The following AHI1 variants were observed in gnomAD, a reference collection of about 807,000 sequenced individuals.
AHI1 encodes jouberin.
In AHI1, 123 loss-of-function variants were observed where a neutral mutation model predicts 149.3. The ratio of observed to expected loss-of-function variants is 0.82; its 90% confidence interval spans 0.71 to 0.96. The LOEUF (loss-of-function observed/expected upper bound fraction) is 0.96, where lower values mean the gene tolerates loss of function less well. Among genes scored for constraint, AHI1 ranks in the 40% least tolerant of loss-of-function variants. AHI1 has a pLI of 0.00. For missense variants in AHI1, 1,439 were observed against 1,422.7 expected (o/e 1.01, Z -0.18); for synonymous variants, 475 against 459.8 (o/e 1.03, Z -0.42).
rs1019039855 is a variant in AHI1, at chr6:135,335,712, A to G, written c.3166-12388T>C. On this transcript the variant is annotated intron_variant, in intron 24 of 28. Coordinates refer to ENST00000265602, the MANE Select transcript of AHI1 (RefSeq NM_001134831.2). ...TGAACTGTAAGCTGTAAGCAAATGT[A>G]AAATTACTAGTAATAGACACAGACA... Among the ~76,000 whole-genome samples the G allele has an allele frequency of 2.6e-5, 4 of 152,242 alleles. No homozygotes were observed. In the East Asian group the frequency reaches 7.7e-4, roughly 29 times the overall value.
chr6:135,337,059 G>A (rs1053412932), intron 24 of AHI1, among the ~76,000 whole-genome samples: 2 of 152,110 alleles, frequency 1.3e-5, no homozygotes, highest in African/African-American at 4.8e-5. Flanking sequence ...CCACGTCTAT[G>A]CTCTTCTTAA....
chr6:135,454,131 C>T (rs530095339), intron 10 of AHI1, among the ~76,000 whole-genome samples: 1 of 151,952 alleles, frequency 6.6e-6, no homozygotes, highest in Non-Finnish European at 1.5e-5. Flanking sequence ...ATAATACATG[C>T]TCAGTGAAAA....
intron 24 of AHI1, among the ~76,000 whole-genome samples, chr6:135,325,262 G>T (rs1787488562): frequency 6.6e-6 from 1 of 152,142 alleles, no homozygotes. Flanking sequence ...CCTGACCTCA[G>T]GTGATCTGCT....
At chr6:135,408,028 C>T (rs1476920298) in intron 21 of AHI1, among the ~76,000 whole-genome samples, 1 of 150,802 alleles carries the variant, frequency 6.6e-6, no homozygotes, top group African/African-American at 2.4e-5. Flanking sequence ...GAGTGAGATT[C>T]CGTCTCAAAA....
intron 28 of AHI1, among the ~76,000 whole-genome samples, chr6:135,285,951 C>T (rs1781632295): frequency 6.6e-6 from 1 of 152,112 alleles, no homozygotes; most frequent in Admixed American, 6.5e-5. Flanking sequence ...AAACTCCAAA[C>T]CATAAGTAAC....
chr6:135,457,503 T>G lies in AHI1; in HGVS notation c.1142A>C (p.Lys381Thr). The change falls in exon 9 of 29, where the codon AAA becomes ACA. Residue 381 changes from lysine (K) to threonine (T), a missense_variant. Transcript: ENST00000265602. ...VDEHTGQYVKKDDSGRPVSSY... is the reference protein window; with the variant it reads ...VDEHTGQYVKTDDSGRPVSSY... ...AATTAAAAAAAATTACCTATCATCT[T>G]TCTTGACATATTGACCAGTATGCTC... 1 of 1,610,888 alleles carries G rather than the reference T, an allele frequency of 6.2e-7. No individual in the cohort carries two copies. Among genetic ancestry groups the G allele is most frequent in the Non-Finnish European group, 8.5e-7 (1 of 1,177,742 alleles).
Position 135,394,857 on chromosome 6 carries a change from A to C in AHI1, c.3028T>G (p.Ser1010Ala). ...NLSFTSPPAV[S>A]SQQSKLKQSN... ...TGCTTTAACTTAGACTGTTGTGAGGAAACTGCTGGTGGTGAAGTAAATGAG... is the reference window on the plus strand; with the variant it reads ...TGCTTTAACTTAGACTGTTGTGAGGCAACTGCTGGTGGTGAAGTAAATGAG... The change falls in exon 23 of 29, where the codon TCC becomes GCC. Residue 1010 changes from serine (S) to alanine (A), a missense_variant. Ser to Ala is a moderately conservative substitution (Grantham distance 99, BLOSUM62 1). Coordinates refer to ENST00000265602, the MANE Select transcript of AHI1 (RefSeq NM_001134831.2). 1 of 1,604,978 alleles carries C rather than the reference A, an allele frequency of 6.2e-7. No individual in the cohort carries two copies. The highest frequency in any genetic ancestry group is 2.2e-5 in the East Asian group (1 of 44,694).
At chr6:135,474,241 T>A (rs193302409) in intron 5 of AHI1, among the ~76,000 whole-genome samples, 132 of 152,268 alleles carry the variant, frequency 8.7e-4, no homozygotes, top group African/African-American at 3.0e-3. Context: ...TTTTTGTAGA[T>A]TTTTTTGGGA....
At chr6:135,396,889 GTCT>G (rs375006569) in intron 22 of AHI1, among the ~76,000 whole-genome samples, 640 of 151,534 alleles carry the variant, frequency 4.2e-3, no homozygotes, top group Non-Finnish European at 5.7e-3. Flanking sequence ...GCCATTTATA[GTCT>G]TCTTCTTCAG....
chr6:135,357,251 A>C (rs1171319391), intron 24 of AHI1, among the ~76,000 whole-genome samples: 1 of 152,108 alleles, frequency 6.6e-6, no homozygotes, highest in Non-Finnish European at 1.5e-5. Flanking sequence ...TTATTTTCTT[A>C]ATTGGTACAG....
intron 13 of AHI1, among the ~76,000 whole-genome samples, chr6:135,446,743 C>A (rs1188926654): frequency 5.9e-5 from 9 of 152,164 alleles, no homozygotes. Context: ...CTGTTTAAGC[C>A]ACCCAGTCAG....
chr6:135,296,019 A>T (rs916403596), intron 27 of AHI1, among the ~76,000 whole-genome samples: 10 of 151,828 alleles, frequency 6.6e-5, no homozygotes, highest in African/African-American at 2.4e-4. Flanking sequence ...TGTCCGGCTA[A>T]TTTTTTTGTA....
At chr6:135,415,721 C>A (rs1782275548) in intron 20 of AHI1, among the ~76,000 whole-genome samples, 1 of 152,166 alleles carries the variant, frequency 6.6e-6, no homozygotes, top group Non-Finnish European at 1.5e-5. Context: ...TTTGGAGCAG[C>A]TTTATTTGTA....
chr6:135,376,251 G>A (rs1257959137), intron 23 of AHI1, among the ~76,000 whole-genome samples: 1 of 152,148 alleles, frequency 6.6e-6, no homozygotes, highest in Non-Finnish European at 1.5e-5. Context: ...ACTAAGTAGG[G>A]TTACTAAGCC....
At chr6:135,291,863 C>T (rs1156741678) in intron 27 of AHI1, among the ~76,000 whole-genome samples, 3 of 152,054 alleles carry the variant, frequency 2.0e-5, no homozygotes, top group Non-Finnish European at 4.4e-5. Flanking sequence ...TCCAAGGAAT[C>T]TATATTCTAG....
intron 10 of AHI1, among the ~76,000 whole-genome samples, chr6:135,455,518 C>T (rs1788792249): frequency 6.6e-6 from 1 of 152,090 alleles, no homozygotes; most frequent in Non-Finnish European, 1.5e-5. Context: ...CAAAGTAGGC[C>T]AAATGGTTAA....
At chr6:135,439,923 G>A (rs1325417792) in intron 14 of AHI1, among the ~76,000 whole-genome samples, 1 of 152,088 alleles carries the variant, frequency 6.6e-6, no homozygotes, top group East Asian at 1.9e-4. Flanking sequence ...CCCCACAGAA[G>A]CAACAAGAAC....
At chr6:135,483,923 C>G (rs923452288) in intron 5 of AHI1, among the ~76,000 whole-genome samples, 1 of 152,228 alleles carries the variant, frequency 6.6e-6, no homozygotes, top group Non-Finnish European at 1.5e-5. Context: ...TGAACCACTT[C>G]AAAGACAGTG....
chr6:135,476,914 G>T (rs1305303464), intron 5 of AHI1, among the ~76,000 whole-genome samples: 1 of 151,996 alleles, frequency 6.6e-6, no homozygotes, highest in Non-Finnish European at 1.5e-5. Flanking sequence ...TTGCCAATCT[G>T]ACACTTTCTA....
Sources: allele counts gnomAD v4.1 joint callset (sites outside exome capture counted in the v4.1 genomes callset), GRCh38; gene constraint gnomAD v4.1.1; transcripts MANE v1.5; gene names NCBI Gene and HGNC (gene_info 2026-07-23, HGNC 2026-07-21).